Variants in TAS2R1 observed in about 807,000 individuals in gnomAD.
TAS2R1 encodes taste receptor type 2 member 1.
For synonymous variants in TAS2R1, 141 were observed against 134.2 expected, an observed-to-expected ratio of 1.05 and a Z score of -0.35; for missense variants, 370 against 353.4, an observed-to-expected ratio of 1.05 and a Z score of -0.38.
chr5:9,649,604 T>C (rs1740263138), intron 2 of TAS2R1, among the ~76,000 whole-genome samples: 1 of 152,194 alleles, frequency 6.6e-6, no homozygotes, highest in Non-Finnish European at 1.5e-5. Flanking sequence ...CAAGGGCATG[T>C]TATCTCAAAT....
chr5:9,795,193 T>C, the TAS2R1 span, among the ~76,000 whole-genome samples: 1 of 152,120 alleles, frequency 6.6e-6, no homozygotes, highest in Admixed American at 6.5e-5. Context: ...CTAATCAGCG[T>C]TTTCTACAAA....
At chr5:9,843,559 C>A in the TAS2R1 span, among the ~76,000 whole-genome samples, 1 of 152,172 alleles carries the variant, frequency 6.6e-6, no homozygotes, top group African/African-American at 2.4e-5. Flanking sequence ...TAGCAAGGTG[C>A]CACACATTTA....
chr5:9,753,735 G>C, the TAS2R1 span, among the ~76,000 whole-genome samples: 1 of 152,108 alleles, frequency 6.6e-6, no homozygotes, highest in Admixed American at 6.5e-5. Flanking sequence ...TAAGGTGTAA[G>C]GAAGGGATCC....
chr5:9,778,316 G>C, the TAS2R1 span, among the ~76,000 whole-genome samples: 9 of 152,212 alleles, frequency 5.9e-5, no homozygotes, highest in African/African-American at 2.2e-4. Context: ...TTCAGGCTTT[G>C]TTGTTTCATT....
the TAS2R1 span, among the ~76,000 whole-genome samples, chr5:9,791,436 T>A: frequency 2.6e-5 from 4 of 152,256 alleles, no homozygotes; most frequent in Non-Finnish European, 4.4e-5. Flanking sequence ...CAGTGGCTCA[T>A]GCCTGTGGTC....
intron 1 of TAS2R1, among the ~76,000 whole-genome samples, chr5:9,685,938 C>T (rs1188981231): frequency 6.6e-6 from 1 of 152,136 alleles, no homozygotes; most frequent in East Asian, 1.9e-4. Flanking sequence ...CAATCTTGGC[C>T]CACTGCAACC....
At chr5:9,688,211 T>A (rs1741165947) in intron 1 of TAS2R1, among the ~76,000 whole-genome samples, 2 of 152,096 alleles carry the variant, frequency 1.3e-5, no homozygotes, top group Non-Finnish European at 2.9e-5. Context: ...CTATTTAGAG[T>A]CTAGTATATT....
chr5:9,693,652 A>G (rs905635372), intron 1 of TAS2R1, among the ~76,000 whole-genome samples: 24 of 152,018 alleles, frequency 1.6e-4, no homozygotes, highest in African/African-American at 5.1e-4. Flanking sequence ...GCATAATAAT[A>G]ATAAACAGAC....
chr5:9,656,694 G>A (rs1740423369), intron 2 of TAS2R1, among the ~76,000 whole-genome samples: 1 of 152,178 alleles, frequency 6.6e-6, no homozygotes, highest in Admixed American at 6.5e-5. Context: ...CAGAAATAAT[G>A]TGTAACCAAA....
At chr5:9,689,502 C>A (rs1473930340) in intron 1 of TAS2R1, among the ~76,000 whole-genome samples, 1 of 152,146 alleles carries the variant, frequency 6.6e-6, no homozygotes, top group Non-Finnish European at 1.5e-5. Context: ...TAACACCCAC[C>A]AGTATCCATT....
chr5:9,727,411 T>C, the TAS2R1 span, among the ~76,000 whole-genome samples: 1 of 152,160 alleles, frequency 6.6e-6, no homozygotes, highest in African/African-American at 2.4e-5. Flanking sequence ...ATTTTATCCT[T>C]CTCTATTTGA....
At chr5:9,740,550 T>C in the TAS2R1 span, among the ~76,000 whole-genome samples, 2 of 152,134 alleles carry the variant, frequency 1.3e-5, no homozygotes, top group African/African-American at 4.8e-5. Context: ...TCAACAACCA[T>C]CTAAGCTGTG....
chr5:9,723,128 C>A, the TAS2R1 span, among the ~76,000 whole-genome samples: 1 of 152,152 alleles, frequency 6.6e-6, no homozygotes, highest in Non-Finnish European at 1.5e-5. Context: ...ATCTGCTGTT[C>A]CCGGGGTTCC....
chr5:9,866,720 G>A, the TAS2R1 span, among the ~76,000 whole-genome samples: 5 of 152,176 alleles, frequency 3.3e-5, no homozygotes, highest in South Asian at 4.1e-4. Context: ...CTCTATCCTT[G>A]TGAGACTACA....
chr5:9,736,104 G>T, the TAS2R1 span, among the ~76,000 whole-genome samples: 18 of 152,184 alleles, frequency 1.2e-4, no homozygotes, highest in African/African-American at 3.9e-4. Context: ...TTAACGCACA[G>T]CTTTGTACGG....
At chr5:9,868,615 G>A in the TAS2R1 span, among the ~76,000 whole-genome samples, 4 of 152,174 alleles carry the variant, frequency 2.6e-5, no homozygotes, top group African/African-American at 9.6e-5. Context: ...ACATGCTTTG[G>A]AGACATTTTC....
the TAS2R1 span, among the ~76,000 whole-genome samples, chr5:9,871,175 T>C: frequency 6.6e-6 from 1 of 152,056 alleles, no homozygotes; most frequent in Non-Finnish European, 1.5e-5. Flanking sequence ...CAAAAGGGAT[T>C]ATCAGAGGAA....
chr5:9,694,514 G>A (rs1741320289), intron 1 of TAS2R1, among the ~76,000 whole-genome samples: 1 of 152,160 alleles, frequency 6.6e-6, no homozygotes, highest in African/African-American at 2.4e-5. Context: ...TTTAATAGGT[G>A]CCATTTTGTG....
chr5:9,658,545 T>A (rs1421816621), intron 2 of TAS2R1: 1 of 152,188 alleles, frequency 6.6e-6, no homozygotes, highest in African/African-American at 2.4e-5. Flanking sequence ...GGCTGAGAGC[T>A]GCATGCTGAG....
Sources: gnomAD v4.1 joint callset for allele counts (sites outside exome capture counted in the v4.1 genomes callset) on GRCh38, gnomAD v4.1.1 for gene constraint, MANE v1.5 for transcripts, NCBI Gene and HGNC (gene_info 2026-07-23, HGNC 2026-07-21) for gene names.